UBE2V1: variants seen among roughly 807,000 people sequenced by gnomAD.
The protein encoded by UBE2V1 is ubiquitin-conjugating enzyme E2 variant 1.
Under a neutral mutation model 19.6 loss-of-function variants are expected in UBE2V1, and 15 were observed. The observed-to-expected ratio is 0.77, with a 90% confidence interval of 0.51 to 1.18. The LOEUF (loss-of-function observed/expected upper bound fraction) is 1.18. UBE2V1 is among the 50% of genes most tolerant of loss of function. The pLI, the probability that UBE2V1 is intolerant of heterozygous loss-of-function variation, is 0.00. For missense variants in UBE2V1, 125 were observed against 184.8 expected (o/e 0.68, Z 1.88); for synonymous variants, 60 against 60.7 (o/e 0.99, Z 0.05).
intron 2 of UBE2V1, among the ~76,000 whole-genome samples, chr20:50,089,292 C>T (rs1470112402): frequency 1.3e-5 from 2 of 152,202 alleles, no homozygotes; most frequent in East Asian, 3.9e-4. Flanking sequence ...AGGGGTGCTG[C>T]CTGGCTGCTG....
chr20:50,092,535 A>T (rs1683155262), intron 2 of UBE2V1, among the ~76,000 whole-genome samples: 1 of 152,164 alleles, frequency 6.6e-6, no homozygotes, highest in Admixed American at 6.5e-5. Flanking sequence ...GCACATACCT[A>T]GCACTCTCAT....
chr20:50,096,966 A>C, intron 1 of UBE2V1, 146 bp from the exon 2 acceptor site: 1 of 1,335,356 alleles, frequency 7.5e-7, no homozygotes, highest in South Asian at 1.5e-5. Context: ...CAAACTTGCT[A>C]CTTATAAAGC....
At position 50,082,687 on chromosome 20, in the gene UBE2V1, G is replaced by C; in HGVS notation, c.*81C>G. On this transcript the variant is annotated 3_prime_UTR_variant, in exon 4 of 4. Transcript: ENST00000371674. Reference sequence around the variant, plus strand: ...CTTTGAGGTCTACAAGACGTATCTAGAAAATTTACTACTGTGGAAAATGAA... The same window carrying C: ...CTTTGAGGTCTACAAGACGTATCTACAAAATTTACTACTGTGGAAAATGAA... 6.4e-7 allele frequency: 1 copy of C among 1,557,334 alleles called. No homozygotes were observed. Among genetic ancestry groups the C allele is most frequent in the Non-Finnish European group, 8.6e-7 (1 of 1,161,372 alleles).
intron 2 of UBE2V1, among the ~76,000 whole-genome samples, chr20:50,090,077 C>T (rs1474184097): frequency 6.6e-6 from 1 of 152,204 alleles, no homozygotes; most frequent in Non-Finnish European, 1.5e-5. Flanking sequence ...GCCTCCCAAA[C>T]CCAGAGGGTG....
chr20:50,114,054 A>T (rs917366536), upstream of UBE2V1, among the ~76,000 whole-genome samples: 7 of 152,206 alleles, frequency 4.6e-5, no homozygotes, highest in African/African-American at 1.7e-4. Context: ...AGACCGTAAC[A>T]ATGAGGAGGT....
chr20:50,109,130 G>A, intron 1 of UBE2V1: 1 of 985,382 alleles, frequency 1.0e-6, no homozygotes, highest in Non-Finnish European at 1.2e-6. Flanking sequence ...AGTTAGATGA[G>A]ACAACATCAC....
At chr20:50,096,249 AG>A (rs2147085303) in intron 2 of UBE2V1, 1 of 231,396 alleles carries the variant, frequency 4.3e-6, no homozygotes, top group African/African-American at 2.3e-5. Context: ...CCAAGGAACT[AG>A]GATACAGGTG....
chr20:50,111,323 G>T, intron 1 of UBE2V1: 1 of 993,846 alleles, frequency 1.0e-6, no homozygotes. Context: ...AGTTAGAACC[G>T]GGCAGCTGTT....
At chr20:50,100,139 G>A (rs1188129364) in intron 1 of UBE2V1, among the ~76,000 whole-genome samples, 1 of 151,824 alleles carries the variant, frequency 6.6e-6, no homozygotes, top group South Asian at 2.1e-4. Context: ...AAATTAGCTG[G>A]GTGTGGTGGT....
chr20:50,115,389 G>A, upstream of UBE2V1: 1 of 1,378,808 alleles, frequency 7.3e-7, no homozygotes, highest in Non-Finnish European at 9.5e-7. Context: ...ATACAAGTTT[G>A]CTTTGGGGAG....
chr20:50,086,933 C>T (rs573569782), intron 2 of UBE2V1, among the ~76,000 whole-genome samples: 2 of 152,026 alleles, frequency 1.3e-5, no homozygotes, highest in African/African-American at 2.4e-5. Flanking sequence ...AAACATTAGC[C>T]GGGTGTGGTT....
rs1205497350 is a variant in UBE2V1, at chr20:50,081,136, GCA to G, written c.*1630_*1631del. ...AAAGTACAGCCTGTTAAATATTAAC[GCA>G]CACTTTTTTTTTATTATATTAAAAT... On this transcript the variant is annotated 3_prime_UTR_variant, in exon 4 of 4. Coordinates refer to ENST00000371674, the MANE Select transcript of UBE2V1 (RefSeq NM_001032288.3). 2 of 148,074 alleles carry G rather than the reference GCA, an allele frequency of 1.4e-5. No individual in the cohort carries two copies. Among genetic ancestry groups the G allele is most frequent in the African/African-American group, 2.6e-5 (1 of 38,742 alleles). 9.2% of individuals were successfully genotyped at this position (148,074 alleles called of 1,614,324 possible).
At chr20:50,100,703 C>T (rs867055587) in intron 1 of UBE2V1, among the ~76,000 whole-genome samples, 1 of 152,194 alleles carries the variant, frequency 6.6e-6, no homozygotes, top group African/African-American at 2.4e-5. Flanking sequence ...TTTTGAGTTG[C>T]TCTTTTTGGC....
chr20:50,098,188 T>C (rs192411431), intron 1 of UBE2V1, among the ~76,000 whole-genome samples: 2 of 152,282 alleles, frequency 1.3e-5, no homozygotes, highest in Admixed American at 1.3e-4. Context: ...GCATGATTTA[T>C]GGATAGCTGA....
upstream of UBE2V1, chr20:50,114,894 C>T (rs1006987424): frequency 1.3e-5 from 2 of 152,138 alleles, no homozygotes; most frequent in South Asian, 2.1e-4. Context: ...GGTGAAACCT[C>T]GTCTCTACTA....
At chr20:50,107,314 T>C (rs143658551) in intron 1 of UBE2V1, among the ~76,000 whole-genome samples, 93 of 152,328 alleles carry the variant, frequency 6.1e-4, no homozygotes, top group African/African-American at 2.2e-3. Context: ...GACTCTGAGG[T>C]ATACTAGTTT....
At chr20:50,108,182 A>C (rs2080514576) in intron 1 of UBE2V1, among the ~76,000 whole-genome samples, 1 of 152,230 alleles carries the variant, frequency 6.6e-6, no homozygotes, top group Non-Finnish European at 1.5e-5. Flanking sequence ...AAAGGGCAAG[A>C]CTGAAAGCAA....
At chr20:50,109,239 T>G in intron 1 of UBE2V1, 2 of 649,682 alleles carry the variant, frequency 3.1e-6, no homozygotes, top group Non-Finnish European at 3.8e-6. Context: ...GCTCTGAACT[T>G]CACTGTGCCC....
chr20:50,081,138 A>C lies in UBE2V1; in HGVS notation c.*1630T>G, dbSNP rs1481160284. 6.8e-6 allele frequency: 1 copy of C among 147,984 alleles called. No individual in the cohort carries two copies. The highest frequency in any genetic ancestry group is 2.6e-5 in the African/African-American group (1 of 38,646). The allele number at this position is 147,984 out of a possible 1,614,324, so 9.2% of individuals were successfully genotyped here. A position where few individuals can be genotyped will look rare whatever the true frequency, so the allele number is the denominator to read the frequency against. On this transcript the variant is annotated 3_prime_UTR_variant, in exon 4 of 4. Transcript: ENST00000371674. The stretch of plus-strand genomic sequence containing the variant: ...AGTACAGCCTGTTAAATATTAACGC[A>C]CACTTTTTTTTTATTATATTAAAAT...
Sources: gnomAD v4.1 joint callset for allele counts (sites outside exome capture counted in the v4.1 genomes callset) on GRCh38, gnomAD v4.1.1 for gene constraint, MANE v1.5 for transcripts, NCBI Gene and HGNC (gene_info 2026-07-23, HGNC 2026-07-21) for gene names.